The following KCND1 variants were observed in gnomAD, a reference collection of about 807,000 sequenced individuals.
KCND1 encodes A-type voltage-gated potassium channel KCND1.
KCND1 carries 11 observed loss-of-function variants against 31.8 expected under a neutral mutation model. The ratio of observed to expected loss-of-function variants is 0.35; its 90% CI spans 0.22 to 0.57. The LOEUF is 0.57. Among genes scored for constraint, KCND1 ranks in the 20% least tolerant of loss-of-function variants. The pLI is 0.85. For missense variants in KCND1, 471 were observed against 596.8 expected (o/e 0.79, Z 2.20); for synonymous variants, 234 against 248.1 (o/e 0.94, Z 0.53).
chrX:48,970,570 A>G lies in KCND1; in HGVS notation c.-299T>C. The G allele has an allele frequency of 3.6e-6, 1 of 274,496 alleles. No individual in the cohort carries two copies. Among genetic ancestry groups the G allele is most frequent in the Non-Finnish European group, 6.3e-6 (1 of 158,213 alleles). The allele number at this position is 274,496 out of a possible 1,213,427, so 22.6% of individuals were successfully genotyped here. A position where few individuals can be genotyped will look rare whatever the true frequency, so the allele number is the denominator to read the frequency against. On this transcript the variant is annotated 5_prime_UTR_variant, in exon 1 of 6. Coordinates refer to ENST00000218176, the MANE Select transcript of KCND1 (RefSeq NM_004979.6). ...GATGGGGCCAAGAAGGAGCTGAGGG[A>G]GGGTTTAGAGAGACTGAGATGATTC...
Position 48,970,508 on chromosome X carries a change from C to T in KCND1, c.-237G>A. On this transcript the variant is annotated 5_prime_UTR_variant, in exon 1 of 6. Transcript: ENST00000218176. ...AATGTTCTGAGGGACTGAGAAGGGC[C>T]TTGGGGACATGGAGAAGAGCAGAAA... The T allele has an allele frequency of 2.7e-6, 1 of 367,105 alleles. No homozygotes were observed. Among genetic ancestry groups the T allele is most frequent in the Non-Finnish European group, 4.6e-6 (1 of 215,860 alleles). The allele number at this position is 367,105 out of a possible 1,213,427, so 30.3% of individuals were successfully genotyped here.
intron 1 of KCND1, 128 bp from the exon 2 acceptor site, chrX:48,967,234 C>G: frequency 1.8e-6 from 1 of 550,734 alleles, no homozygotes; most frequent in African/African-American, 2.3e-5. Flanking sequence ...CTGAGTCCCT[C>G]AGTTTCTTGC....
rs781979546 is a variant in KCND1, at chrX:48,969,714, G to A, written c.558C>T (p.Leu186=). Residue 186 remains leucine (L), a synonymous_variant, in exon 1 of 6, where the codon CTC becomes CTT. Coordinates refer to ENST00000218176, the MANE Select transcript of KCND1 (RefSeq NM_004979.6). ...FENPHTSTAA[L]VFYYVTGFFI... is the part of the protein sequence containing the mutation. Reference sequence around the variant, plus strand: ...AGAAGCCGGTCACATAGTAGAAAACGAGGGCTGCGGTGCTCGTGTGTGGAT... The same window carrying A: ...AGAAGCCGGTCACATAGTAGAAAACAAGGGCTGCGGTGCTCGTGTGTGGAT... The A allele has an allele frequency of 1.7e-5, 21 of 1,207,676 alleles. No homozygotes were observed. The highest frequency in any genetic ancestry group is 5.2e-5 in the African/African-American group (3 of 57,511).
At chrX:48,965,021 A>G (rs2064345617) in intron 5 of KCND1, among the ~76,000 whole-genome samples, 1 of 106,663 alleles carries the variant, frequency 9.4e-6, no homozygotes, top group African/African-American at 3.4e-5. Context: ...GTCTAAAAAA[A>G]AAAAAAAACT....
At chrX:48,963,408 C>G (rs1385248889) in intron 5 of KCND1, among the ~76,000 whole-genome samples, 1 of 107,529 alleles carries the variant, frequency 9.3e-6, no homozygotes, top group Non-Finnish European at 1.9e-5. Context: ...GATTGCACCA[C>G]TGCACTCCAG....
intron 5 of KCND1, 108 bp downstream of exon 5, chrX:48,965,947 T>A (rs1486716047): frequency 5.9e-6 from 5 of 849,723 alleles, no homozygotes; most frequent in Non-Finnish European, 8.2e-6. Flanking sequence ...CATGGAGGGG[T>A]TTGGGTTCGA....
Position 48,970,596 on chromosome X carries a change from T to G in KCND1, c.-325A>C. On this transcript the variant is annotated 5_prime_UTR_variant, in exon 1 of 6. Transcript: ENST00000218176. ...GGGTTTAGAGAGACTGAGATGATTCTAAAGGAGTCAGCCTGTGCCTGAGAG... is the reference window on the plus strand; with the variant it reads ...GGGTTTAGAGAGACTGAGATGATTCGAAAGGAGTCAGCCTGTGCCTGAGAG... 1 of 215,754 alleles carries G rather than the reference T, an allele frequency of 4.6e-6. No individual in the cohort carries two copies. The highest frequency in any genetic ancestry group is 8.2e-6 in the Non-Finnish European group (1 of 121,466). 17.8% of individuals were successfully genotyped at this position (215,754 alleles called of 1,213,427 possible).
chrX:48,969,841 G>C lies in KCND1; in HGVS notation c.431C>G (p.Ala144Gly). ...CTCCTCATCCTCTGCCAGGCGCTCG[G>C]CATTCTCCTTCTTTCGGTCCCGATA... ...EEYRDRKKENAERLAEDEEAE... is the reference protein window; with the variant it reads ...EEYRDRKKENGERLAEDEEAE... The change falls in exon 1 of 6, where the codon GCC becomes GGC. Residue 144 changes from alanine (A) to glycine (G), a missense_variant. Ala to Gly is a moderately conservative substitution (Grantham distance 60). Around this residue, in one of 3 missense-constraint regions of KCND1, gnomAD observed 212 missense variants for 257.9 expected, o/e 0.82. Transcript: ENST00000218176. 8.3e-7 allele frequency: 1 copy of C among 1,210,510 alleles called. No individual in the cohort carries two copies. The highest frequency in any genetic ancestry group is 1.1e-6 in the Non-Finnish European group (1 of 894,871).
rs2082396476 is a variant in KCND1 at position 48,969,339 on chromosome X, G to C, written c.933C>G (p.Gly311=). The C allele has an allele frequency of 8.3e-7, 1 of 1,208,815 alleles. No homozygotes were observed. Among genetic ancestry groups the C allele is most frequent in the African/African-American group, 1.7e-5 (1 of 57,197 alleles). The part of the protein sequence containing the change: ...RIFKFSRHSQ[G]LRILGYTLKS... ...TGAGTGTGTAGCCCAGAATCCTCAA[G>C]CCCTGTGAGTGCCTGGAGAACTTGA... Residue 311 remains glycine (G), a synonymous_variant, in exon 1 of 6, where the codon GGC becomes GGG. Transcript: ENST00000218176.
Position 48,970,072 on chromosome X carries a change from C to A in KCND1, c.200G>T (p.Gly67Val). 8.3e-7 allele frequency: 1 copy of A among 1,210,355 alleles called. No homozygotes were observed. The highest frequency in any genetic ancestry group is 1.1e-6 in the Non-Finnish European group (1 of 894,588). ...GTAGAAGAATTCCTTCTCCGAGCTG[C>A]CCAGCAAGGTGTCTGGGTAGCGGTC... is the stretch of plus-strand genomic sequence containing the variant. ...TLDRYPDTLL[G>V]SSEKEFFYDA... The change falls in exon 1 of 6, where the codon GGC becomes GTC. Residue 67 changes from glycine (G) to valine (V), a missense_variant. Physicochemically the swap from Gly to Val is moderately radical, Grantham distance 109. This residue lies in a region of KCND1 where 212 missense variants were observed against 257.9 expected (regional missense o/e 0.82). Coordinates refer to ENST00000218176, the MANE Select transcript of KCND1 (RefSeq NM_004979.6).
At chrX:48,964,517 AAAAT>A (rs1204651534) in intron 5 of KCND1, among the ~76,000 whole-genome samples, 2 of 109,009 alleles carry the variant, frequency 1.8e-5, no homozygotes, top group African/African-American at 6.7e-5. Context: ...CTCTGTCTCA[AAAAT>A]AAATAAATAA....
At position 48,969,134 on chromosome X, in the gene KCND1, G is replaced by A. The variant is rs782690921; in HGVS notation, c.1121+17C>T. ...TGAGTGTAATCGGGCAGCCCCCAACGCAGAGTCCACACTCACCCAAGCGTG... is the reference window on the plus strand; with the variant it reads ...TGAGTGTAATCGGGCAGCCCCCAACACAGAGTCCACACTCACCCAAGCGTG... On this transcript the variant is annotated intron_variant, in intron 1 of 5. Transcript: ENST00000218176. The A allele has an allele frequency of 7.5e-6, 9 of 1,194,209 alleles. No homozygotes were observed. The highest frequency in any genetic ancestry group is 5.5e-5 in the South Asian group (3 of 54,072).
chrX:48,970,847 C>T lies in KCND1; in HGVS notation c.-576G>A, dbSNP rs1445021201. ...GACAGGTGAGGAGGGTTGTCCACAC[C>T]CTCAAGACTTCTAGGGGAAGCATAA... On this transcript the variant is annotated 5_prime_UTR_variant, in exon 1 of 6. Coordinates refer to ENST00000218176, the MANE Select transcript of KCND1 (RefSeq NM_004979.6). 2 of 110,186 alleles carry T rather than the reference C, an allele frequency of 1.8e-5. No individual in the cohort carries two copies. Among genetic ancestry groups the T allele is most frequent in the Non-Finnish European group, 3.8e-5 (2 of 52,814 alleles). 9.1% of individuals were successfully genotyped at this position (110,186 alleles called of 1,213,427 possible).
chrX:48,965,014 TA>T (rs1208544033), intron 5 of KCND1, among the ~76,000 whole-genome samples: 3 of 73,653 alleles, frequency 4.1e-5, no homozygotes, highest in Admixed American at 1.8e-4. Flanking sequence ...AGACTCCGTC[TA>T]AAAAAAAAAA....
chrX:48,968,589 G>C (rs2064366125), intron 1 of KCND1, among the ~76,000 whole-genome samples: 1 of 111,877 alleles, frequency 8.9e-6, no homozygotes, highest in Non-Finnish European at 1.9e-5. Flanking sequence ...ATTTTACAGA[G>C]GGGAAAACTG....
In KCND1 at chrX:48,967,115, A is replaced by AG. The variant is rs782069815; in HGVS notation, c.1122-10dup. The AG allele has an allele frequency of 6.8e-5, 82 of 1,204,616 alleles. No individual in the cohort carries two copies. Among genetic ancestry groups the AG allele is most frequent in the Non-Finnish European group, 8.3e-5 (74 of 892,168 alleles). On this transcript the variant is annotated splice_polypyrimidine_tract_variant and intron_variant, in intron 1 of 5. Transcript: ENST00000218176. Reference sequence around the variant, plus strand: ...GCACCATGTCTCCGTAGCTGGAGCGAGGGGAGGTAGGCCAAGGTCAGGAAA... The same window carrying AG: ...GCACCATGTCTCCGTAGCTGGAGCGAGGGGGAGGTAGGCCAAGGTCAGGAAA...
chrX:48,970,296 G>C lies in KCND1; in HGVS notation c.-25C>G, dbSNP rs782272614. 2 of 1,173,201 alleles carry C rather than the reference G, an allele frequency of 1.7e-6. No individual in the cohort carries two copies. The highest frequency in any genetic ancestry group is 2.3e-6 in the Non-Finnish European group (2 of 876,955). On this transcript the variant is annotated 5_prime_UTR_variant, in exon 1 of 6. Coordinates refer to ENST00000218176, the MANE Select transcript of KCND1 (RefSeq NM_004979.6). ...TCGTGCCACTCCCCAAGCCCAGGGA[G>C]ACTTAGTGAGGGTGGCGTTTAGGAG...
In KCND1 at chrX:48,966,241, C is replaced by T. The variant is rs782058830; in HGVS notation, c.1532G>A (p.Arg511His). 6 of 1,198,457 alleles carry T rather than the reference C, an allele frequency of 5.0e-6. No individual in the cohort carries two copies. Among genetic ancestry groups the T allele is most frequent in the East Asian group, 3.0e-5 (1 of 33,435 alleles). The stretch of plus-strand genomic sequence containing the variant: ...AGACACAGAGGTGCTACGGCTGGTG[C>T]GGCCACCCGGCGAGACGGCTCCCAG... ...EALGAVSPGGRTSRSTSVSSQ... is the reference protein window; with the variant it reads ...EALGAVSPGGHTSRSTSVSSQ... Residue 511 changes from arginine (R) to histidine (H), a missense_variant, in exon 5 of 6, where the codon CGC becomes CAC. By Grantham distance (29) the Arg-to-His change is conservative. Around this residue, in one of 3 missense-constraint regions of KCND1, gnomAD observed 185 missense variants for 184.7 expected, o/e 1.00. Coordinates refer to ENST00000218176, the MANE Select transcript of KCND1 (RefSeq NM_004979.6).
At position 48,966,256 on chromosome X, in the gene KCND1, A is replaced by C. The variant is rs1557057999; in HGVS notation, c.1517T>G (p.Val506Gly). The C allele has an allele frequency of 8.4e-7, 1 of 1,195,047 alleles. No individual in the cohort carries two copies. Among genetic ancestry groups the C allele is most frequent in the South Asian group, 1.8e-5 (1 of 54,607 alleles). The change falls in exon 5 of 6, where the codon GTC becomes GGC. Residue 506 changes from valine (V) to glycine (G), a missense_variant. Val to Gly is a moderately radical substitution (Grantham distance 109). Around this residue, in one of 3 missense-constraint regions of KCND1, gnomAD observed 185 missense variants for 184.7 expected, o/e 1.00. Coordinates refer to ENST00000218176, the MANE Select transcript of KCND1 (RefSeq NM_004979.6). The stretch of plus-strand genomic sequence containing the variant: ...ACGGCTGGTGCGGCCACCCGGCGAG[A>C]CGGCTCCCAGGGCTTCACTGAAGGT... The part of the protein sequence containing the change: ...ELTFSEALGA[V>G]SPGGRTSRST...
Sources: gnomAD v4.1 joint callset for allele counts (sites outside exome capture counted in the v4.1 genomes callset) on GRCh38, gnomAD v4.1.1 for gene constraint, gnomAD v4.1.1 regional missense constraint, MANE v1.5 for transcripts, NCBI Gene and HGNC (gene_info 2026-07-23, HGNC 2026-07-21) for gene names.